Variants in NUBPL observed in about 807,000 individuals in gnomAD.
The protein encoded by NUBPL is NUBP iron-sulfur cluster assembly factor, mitochondrial.
A neutral mutation model predicts 45.7 loss-of-function variants in NUBPL; 31 were observed. That is an observed-to-expected ratio of 0.68 (90% CI 0.51 to 0.92). The LOEUF is 0.92. NUBPL is among the 40% of genes least tolerant of loss of function. NUBPL has a pLI of 0.00. For missense variants in NUBPL, 401 were observed against 398.7 expected, an observed-to-expected ratio of 1.01 and a Z score of -0.05; for synonymous variants, 144 against 140.9, an observed-to-expected ratio of 1.02 and a Z score of -0.15.
At chr14:31,731,965 G>A (rs1237096288) in intron 6 of NUBPL, among the ~76,000 whole-genome samples, 1 of 151,974 alleles carries the variant, frequency 6.6e-6, no homozygotes, top group African/African-American at 2.4e-5. Context: ...GACTTTGAGA[G>A]GCCGAGGCGG....
In NUBPL at chr14:31,758,048, C is replaced by G. The variant is rs114002220; in HGVS notation, c.514-29732C>G. Among the ~76,000 whole-genome samples, 994 of 152,250 alleles carry G rather than the reference C, an allele frequency of 6.5e-3. 10 individuals carry two copies. The highest frequency in any genetic ancestry group is 0.022 in the African/African-American group (930 of 41,560). ...TTAAATGTCATCTCAGAAGAGCAGG[C>G]TGTCACCATCACTATCATCTTATCT... On this transcript the variant is annotated intron_variant, in intron 6 of 10. Transcript: ENST00000281081.
At chr14:31,819,601 A>T (rs1321279466) in intron 7 of NUBPL, among the ~76,000 whole-genome samples, 1 of 152,164 alleles carries the variant, frequency 6.6e-6, no homozygotes. Flanking sequence ...ACTACTCTGA[A>T]CTCTGACCCA....
intron 3 of NUBPL, among the ~76,000 whole-genome samples, chr14:31,593,695 G>A (rs896447163): frequency 7.2e-5 from 11 of 151,960 alleles, no homozygotes; most frequent in African/African-American, 2.7e-4. Flanking sequence ...TGTGGTAAGG[G>A]AGTTGCAATT....
intron 3 of NUBPL, among the ~76,000 whole-genome samples, chr14:31,573,492 G>A (rs2033642241): frequency 6.6e-6 from 1 of 152,182 alleles, no homozygotes; most frequent in Non-Finnish European, 1.5e-5. Context: ...CTCAGCATGT[G>A]TAAAACCAAA....
intron 6 of NUBPL, among the ~76,000 whole-genome samples, chr14:31,688,704 T>C (rs2037023959): frequency 7.2e-6 from 1 of 138,882 alleles, no homozygotes; most frequent in South Asian, 2.3e-4. Context: ...CAGATAAGGG[T>C]TTGTTATATA....
chr14:31,844,998 G>A (rs899718488), intron 8 of NUBPL: 3 of 152,020 alleles, frequency 2.0e-5, no homozygotes, highest in Non-Finnish European at 4.4e-5. Flanking sequence ...CAATATATGT[G>A]GGGGATTGGT....
intron 4 of NUBPL, among the ~76,000 whole-genome samples, chr14:31,637,712 G>C (rs367854657): frequency 1.2e-4 from 19 of 152,154 alleles, no homozygotes; most frequent in Non-Finnish European, 2.5e-4. Context: ...CATTATTATT[G>C]TGTGGGAGTC....
At chr14:31,564,928 A>T in intron 2 of NUBPL, 86 bp from the exon 3 acceptor site, 1 of 747,718 alleles carries the variant, frequency 1.3e-6, no homozygotes, top group Non-Finnish European at 2.3e-6. Context: ...GAAATTATTA[A>T]AAATTACATG....
chr14:31,647,535 G>C (rs1006457602), intron 4 of NUBPL, among the ~76,000 whole-genome samples: 1 of 152,196 alleles, frequency 6.6e-6, no homozygotes, highest in African/African-American at 2.4e-5. Context: ...TTGGAAGGCT[G>C]GCTAGGGGTT....
At chr14:31,720,703 T>A (rs2037789871) in intron 6 of NUBPL, among the ~76,000 whole-genome samples, 1 of 152,200 alleles carries the variant, frequency 6.6e-6, no homozygotes, top group Non-Finnish European at 1.5e-5. Context: ...ATATGTGGCT[T>A]TTAAATTAAA....
chr14:31,777,169 G>T (rs1263105287), intron 6 of NUBPL, among the ~76,000 whole-genome samples: 3 of 152,174 alleles, frequency 2.0e-5, no homozygotes, highest in Admixed American at 6.5e-5. Context: ...CTTGTAGTCA[G>T]CAAATGGCTA....
At chr14:31,588,609 T>TAA (rs113107978) in intron 3 of NUBPL, among the ~76,000 whole-genome samples, 2 of 151,768 alleles carry the variant, frequency 1.3e-5, no homozygotes, top group Admixed American at 6.6e-5. Context: ...TTTTTTTTTT[T>TAA]AAATCCTTAA....
chr14:31,570,594 C>G (rs1421618125), intron 3 of NUBPL, among the ~76,000 whole-genome samples: 1 of 152,152 alleles, frequency 6.6e-6, no homozygotes, highest in Non-Finnish European at 1.5e-5. Flanking sequence ...ATTGATTCTC[C>G]CCTAATATCC....
chr14:31,578,860 G>A, intron 3 of NUBPL, among the ~76,000 whole-genome samples: 1 of 152,204 alleles, frequency 6.6e-6, no homozygotes, highest in East Asian at 1.9e-4. Flanking sequence ...GAGTTGGGAG[G>A]AAGAACTGTA....
intron 9 of NUBPL, among the ~76,000 whole-genome samples, chr14:31,848,910 T>TC (rs2040495287): frequency 2.6e-5 from 4 of 152,178 alleles, no homozygotes; most frequent in Non-Finnish European, 2.9e-5. Flanking sequence ...GTTCATAAAT[T>TC]GAGAGGAAAA....
intron 4 of NUBPL, among the ~76,000 whole-genome samples, chr14:31,671,818 G>A (rs181641051): frequency 1.5e-3 from 222 of 152,260 alleles, no homozygotes; most frequent in Middle Eastern, 0.014. Flanking sequence ...TATGGCAGAG[G>A]ATTTCTTATA....
At chr14:31,607,009 C>T (rs1023848186) in intron 4 of NUBPL, among the ~76,000 whole-genome samples, 6 of 152,304 alleles carry the variant, frequency 3.9e-5, no homozygotes, top group South Asian at 2.1e-4. Context: ...GCAATCATTA[C>T]AGAACTGGAA....
At chr14:31,766,527 C>G (rs1432385005) in intron 6 of NUBPL, among the ~76,000 whole-genome samples, 3 of 152,150 alleles carry the variant, frequency 2.0e-5, no homozygotes. Context: ...TAAACTTCAC[C>G]TGTCTTATCT....
chr14:31,720,387 T>C (rs2037782528), intron 6 of NUBPL, among the ~76,000 whole-genome samples: 1 of 152,246 alleles, frequency 6.6e-6, no homozygotes. Flanking sequence ...CCTCTGGTTT[T>C]AAAGTCTTTG....
Sources: gnomAD v4.1 joint callset for allele counts (sites outside exome capture counted in the v4.1 genomes callset) on GRCh38, gnomAD v4.1.1 for gene constraint, MANE v1.5 for transcripts, NCBI Gene and HGNC (gene_info 2026-07-23, HGNC 2026-07-21) for gene names.